The following LPA variants were observed in gnomAD, a reference collection of about 807,000 sequenced individuals.
LPA encodes the protein lipoprotein(a).
A neutral mutation model predicts 197.9 loss-of-function variants in LPA; 199 were observed. That is an observed-to-expected ratio of 1.01 (90% confidence interval 0.90 to 1.13). The LOEUF is 1.13. Among genes scored for constraint, LPA ranks in the 50% most tolerant of loss-of-function variants. The pLI is 0.00. For missense variants in LPA, 1,853 were observed against 1,785.8 expected, an observed-to-expected ratio of 1.04 and a Z score of -0.68; for synonymous variants, 715 against 639.5, an observed-to-expected ratio of 1.12 and a Z score of -1.78.
intron 18 of LPA, among the ~76,000 whole-genome samples, chr6:160,602,554 C>T (rs1374874306): frequency 1.3e-5 from 2 of 152,222 alleles, no homozygotes; most frequent in African/African-American, 4.8e-5. Context: ...TTTGCATTTA[C>T]ATCTACATTT....
At chr6:160,588,866 A>G (rs887804058) in intron 24 of LPA, among the ~76,000 whole-genome samples, 1 of 152,282 alleles carries the variant, frequency 6.6e-6, no homozygotes, top group East Asian at 1.9e-4. Context: ...TCTCAAGCCT[A>G]CCATATCTGT....
intron 2 of LPA, among the ~76,000 whole-genome samples, chr6:160,647,842 T>C (rs1419369835): frequency 6.6e-6 from 1 of 152,226 alleles, no homozygotes; most frequent in Non-Finnish European, 1.5e-5. Context: ...TCAACTCTCA[T>C]TTAAAAAGAT....
intron 22 of LPA, 67 bp downstream of exon 22, chr6:160,593,891 G>T: frequency 6.3e-7 from 1 of 1,584,538 alleles, no homozygotes; most frequent in Non-Finnish European, 8.7e-7. Context: ...TTAGTTGGAA[G>T]CATGGCCCTT....
chr6:160,600,306 C>T (rs974470081), intron 19 of LPA, among the ~76,000 whole-genome samples: 1 of 152,130 alleles, frequency 6.6e-6, no homozygotes, highest in Non-Finnish European at 1.5e-5. Flanking sequence ...TCTCCAGACC[C>T]CCCGCAGGTA....
intron 2 of LPA, among the ~76,000 whole-genome samples, chr6:160,649,425 C>G (rs1779964778): frequency 6.6e-6 from 1 of 152,182 alleles, no homozygotes; most frequent in South Asian, 2.1e-4. Context: ...TTCTAGAACT[C>G]CTTTCCTCCA....
Position 160,540,161 on chromosome 6 carries a change from T to C in LPA, c.5617A>G (p.Lys1873Glu), listed in dbSNP as rs1468908799. Residue 1873 changes from lysine (K) to glutamate (E), a missense_variant, in exon 36 of 39, where the codon AAG (lysine) becomes GAG (glutamate). Around this residue, in one of 3 missense-constraint regions of LPA, gnomAD observed 1,737 missense variants for 1,504.4 expected, o/e 1.15. Coordinates refer to ENST00000316300, the MANE Select transcript of LPA (RefSeq NM_005577.4). ...TCTTGGTGTGCACCCAGGATGACCT[T>C]GTAGGATGAAGGCCTTGAGGACCTA... ...LKKSSRPSSY[K>E]VILGAHQEVN... is the part of the protein sequence containing the mutation. The C allele has an allele frequency of 6.2e-7, 1 of 1,614,006 alleles. No individual in the cohort carries two copies. Among genetic ancestry groups the C allele is most frequent in the South Asian group, 1.1e-5 (1 of 91,062 alleles).
chr6:160,595,278 T>A, intron 21 of LPA, 76 bp downstream of exon 21: 1 of 1,561,846 alleles, frequency 6.4e-7, no homozygotes, highest in Non-Finnish European at 8.8e-7. Context: ...ATGGAAGGCT[T>A]CTATATCACT....
At chr6:160,597,500 G>A (rs1173257290) in intron 20 of LPA, among the ~76,000 whole-genome samples, 1 of 152,150 alleles carries the variant, frequency 6.6e-6, no homozygotes, top group Non-Finnish European at 1.5e-5. Context: ...GTGTATATAT[G>A]TGCAGCTATT....
rs1779199374 is a variant in LPA, at chr6:160,599,606, T to C, written c.3181A>G (p.Ser1061Gly). 1 of 1,614,036 alleles carries C rather than the reference T, an allele frequency of 6.2e-7. No individual in the cohort carries two copies. The highest frequency in any genetic ancestry group is 1.3e-5 in the African/African-American group (1 of 74,932). Residue 1061 changes from serine to glycine, a missense_variant, in exon 20 of 39, where the codon AGT (serine) becomes GGT (glycine). Transcript: ENST00000316300. The part of the protein sequence containing the change: ...VQDCYYHYGQ[S>G]YRGTYSTTVT... ...GTGGTGGAGTATGTGCCTCGGTAACTCTGTCCATAATGGTAGTAGCAGTCC... is the reference window on the plus strand; with the variant it reads ...GTGGTGGAGTATGTGCCTCGGTAACCCTGTCCATAATGGTAGTAGCAGTCC...
At chr6:160,654,020 A>C (rs868804441) in intron 1 of LPA, among the ~76,000 whole-genome samples, 5 of 3,760 alleles carry the variant, frequency 1.3e-3, no homozygotes, top group Admixed American at 6.4e-3. Flanking sequence ...TATTATATAT[A>C]ATATATAATA....
intron 33 of LPA, among the ~76,000 whole-genome samples, chr6:160,543,452 A>G (rs1467422274): frequency 1.3e-5 from 2 of 152,122 alleles, no homozygotes; most frequent in Non-Finnish European, 2.9e-5. Context: ...TTATTCATAT[A>G]ATTATTAATA....
chr6:160,542,836 G>T (rs201237514), intron 33 of LPA, 28 bp from the exon 34 acceptor site: 4 of 1,613,320 alleles, frequency 2.5e-6, no homozygotes, highest in African/African-American at 2.7e-5. Context: ...AAAAGAAGTC[G>T]CATTTGAGTC....
chr6:160,557,605 G>T (rs1360542765), intron 28 of LPA, 34 bp from the exon 29 acceptor site: 1 of 1,608,862 alleles, frequency 6.2e-7, no homozygotes, highest in Non-Finnish European at 8.5e-7. Flanking sequence ...GTCACAAGAG[G>T]CGGGAAAAAA....
chr6:160,576,223 T>A (rs1453287633), intron 28 of LPA, among the ~76,000 whole-genome samples: 6 of 150,878 alleles, frequency 4.0e-5, no homozygotes, highest in Admixed American at 2.0e-4. Flanking sequence ...ACCTCCTGAC[T>A]CTCATCCGCC....
intron 26 of LPA, among the ~76,000 whole-genome samples, chr6:160,582,278 C>T (rs781501469): frequency 1.3e-5 from 2 of 151,326 alleles, no homozygotes; most frequent in Non-Finnish European, 2.9e-5. Context: ...TCTTACTACT[C>T]TAAAGGTGTT....
rs146024102 is a variant in LPA, at chr6:160,585,167, G to T, written c.4168C>A (p.Arg1390=). Residue 1390 remains arginine, a synonymous_variant, in exon 26 of 39, where the codon CGA becomes AGA. Coordinates refer to ENST00000316300, the MANE Select transcript of LPA (RefSeq NM_005577.4). ...CCTCGATAACTCTGTCCATCACCTC[G>T]GTAGCAGTCCTGGACCCCAGTGCTG... ...ENSTGVQDCY[R]GDGQSYRGTL... 1.1e-5 allele frequency: 17 copies of T among 1,613,776 alleles called. No individual in the cohort carries two copies. In the Admixed American group the frequency reaches 1.7e-4, roughly 16 times the overall value.
chr6:160,565,914 G>C lies in LPA; in HGVS notation c.4632-8343C>G, dbSNP rs189807645. On this transcript the variant is annotated intron_variant, in intron 28 of 38. Coordinates refer to ENST00000316300, the MANE Select transcript of LPA (RefSeq NM_005577.4). Reference sequence around the variant, plus strand: ...TTTCAGTAGTTGATTCAATCAAGTGGAAGAAAGGGTATCAGTGATTAAAGA... The same window carrying C: ...TTTCAGTAGTTGATTCAATCAAGTGCAAGAAAGGGTATCAGTGATTAAAGA... Among the ~76,000 whole-genome samples, 16 of 152,316 alleles carry C rather than the reference G, an allele frequency of 1.1e-4. No homozygotes were observed. In the East Asian group the frequency reaches 3.1e-3, roughly 29 times the overall value.
rs377259281 is a variant in LPA, at chr6:160,606,575, T to A, written c.2687A>T (p.Glu896Val). ...CYTRDPSVRW[E>V]YCNLTQCSDA... ...TGAGCATTGTGTCAGGTTGCAGTACTCCCACCTGACACTGGGATCCCTCGT... is the reference window on the plus strand; with the variant it reads ...TGAGCATTGTGTCAGGTTGCAGTACACCCACCTGACACTGGGATCCCTCGT... Residue 896 changes from glutamate (E) to valine (V), a missense_variant, in exon 17 of 39, where the codon GAG (glutamate) becomes GTG (valine). Coordinates refer to ENST00000316300, the MANE Select transcript of LPA (RefSeq NM_005577.4). 4.3e-6 allele frequency: 7 copies of A among 1,613,702 alleles called. No homozygotes were observed. Among genetic ancestry groups the A allele is most frequent in the East Asian group, 2.2e-5 (1 of 44,880 alleles).
At chr6:160,608,379 T>C (rs1779406126) in intron 16 of LPA, among the ~76,000 whole-genome samples, 1 of 152,168 alleles carries the variant, frequency 6.6e-6, no homozygotes, top group Non-Finnish European at 1.5e-5. Flanking sequence ...GGTTGATCTC[T>C]TCTTGTTCCT....
Sources: allele counts gnomAD v4.1 joint callset (sites outside exome capture counted in the v4.1 genomes callset), GRCh38; gene constraint gnomAD v4.1.1; regional missense constraint gnomAD v4.1.1; transcripts MANE v1.5; gene names NCBI Gene and HGNC (gene_info 2026-07-23, HGNC 2026-07-21).